The following CNTN6 variants were observed in gnomAD, a reference collection of about 807,000 sequenced individuals.
CNTN6 encodes the protein contactin 6.
Under a neutral mutation model 122.8 loss-of-function variants are expected in CNTN6, and 137 were observed. The observed-to-expected ratio is 1.12, with a 90% CI of 0.97 to 1.29. CNTN6 has a LOEUF of 1.29. CNTN6 is among the 50% of genes most tolerant of loss of function. The pLI is 0.00. For missense variants in CNTN6, 1,634 were observed against 1,223.4 expected (o/e 1.34, Z -5.01); for synonymous variants, 570 against 426.0 (o/e 1.34, Z -4.16).
In CNTN6 at chr3:1,276,910, G is replaced by A. The variant is rs561935657; in HGVS notation, c.359-1503G>A. On this transcript the variant is annotated intron_variant, in intron 4 of 22. Transcript: ENST00000446702. Reference sequence around the variant, plus strand: ...GTGAATGGTGGCTCTTTTGCATTCAGCAAGTGGCTTTCAAGACCTCCCATA... The same window carrying A: ...GTGAATGGTGGCTCTTTTGCATTCAACAAGTGGCTTTCAAGACCTCCCATA... 2.0e-5 allele frequency among the ~76,000 whole-genome samples: 3 copies of A among 152,270 alleles called. No individual in the cohort carries two copies. In the South Asian group the frequency reaches 6.2e-4, roughly 32 times the overall value.
Position 1,385,797 on chromosome 3 carries a change from C to T in CNTN6, c.2704C>T (p.Pro902Ser), listed in dbSNP as rs140337334. ...AGTCAATGTTACCACCAAAAAGTCT[C>T]GTAAGTATGCATACACTCCAGGAAA... ...PPVNVTTKKS[P>S]PSQPPANIAW... Residue 902 changes from proline to serine, a missense_variant and splice_region_variant, in exon 20 of 23, where the codon CCT (proline) becomes TCT (serine). By Grantham distance (74) the Pro-to-Ser change is moderately conservative. Transcript: ENST00000446702. 485 of 1,607,534 alleles carry T rather than the reference C, an allele frequency of 3.0e-4. No homozygotes were observed. Among genetic ancestry groups the T allele is most frequent in the Non-Finnish European group, 3.7e-4 (439 of 1,177,326 alleles).
At chr3:1,124,711 A>G (rs1320110578) in intron 1 of CNTN6, among the ~76,000 whole-genome samples, 1 of 151,828 alleles carries the variant, frequency 6.6e-6, no homozygotes, top group Non-Finnish European at 1.5e-5. Context: ...GAGAAAGAAC[A>G]TCCCTTCCGC....
chr3:1,154,422 C>A (rs2092914726), intron 2 of CNTN6, among the ~76,000 whole-genome samples: 1 of 145,304 alleles, frequency 6.9e-6, no homozygotes, highest in Non-Finnish European at 1.5e-5. Context: ...TGGAAGGATT[C>A]ATAATATTTT....
chr3:1,279,251 C>T lies in CNTN6; in HGVS notation c.454+743C>T, dbSNP rs569488764. On this transcript the variant is annotated intron_variant, in intron 5 of 22. Coordinates refer to ENST00000446702, the MANE Select transcript of CNTN6 (RefSeq NM_001289080.2). ...TCCAAACTACTTACTGATTCTCATC[C>T]TCTTGGGAATGGATTTTCTCAAATT... is the stretch of plus-strand genomic sequence containing the variant. Among the ~76,000 whole-genome samples the T allele has an allele frequency of 1.3e-5, 2 of 152,164 alleles. 1 individual carries two copies. The highest frequency in any genetic ancestry group is 4.2e-4 in the South Asian group (2 of 4,810).
chr3:1,197,509 A>T (rs2093794692), intron 2 of CNTN6, among the ~76,000 whole-genome samples: 2 of 152,208 alleles, frequency 1.3e-5, no homozygotes, highest in Non-Finnish European at 2.9e-5. Context: ...CATTTAGTGA[A>T]ACCTAAGGAG....
chr3:1,336,334 A>G (rs1268920550), intron 11 of CNTN6, among the ~76,000 whole-genome samples: 1 of 151,988 alleles, frequency 6.6e-6, no homozygotes, highest in Non-Finnish European at 1.5e-5. Context: ...TATATTTCTG[A>G]GGATCACAAT....
intron 22 of CNTN6, 64 bp downstream of exon 22, chr3:1,402,550 C>T (rs1695859487): frequency 5.1e-6 from 7 of 1,370,694 alleles, no homozygotes; most frequent in Middle Eastern, 1.9e-4. Context: ...TGAAATTCAG[C>T]TCCATGAAAC....
intron 8 of CNTN6, among the ~76,000 whole-genome samples, chr3:1,325,162 T>C (rs3821429): frequency 0.23 from 34,161 of 151,760 alleles, 4,490 homozygotes; most frequent in East Asian, 0.52. Flanking sequence ...CAGTTTCTTG[T>C]TGTCTCACTA....
intron 4 of CNTN6, among the ~76,000 whole-genome samples, chr3:1,247,468 C>T (rs997975791): frequency 2.0e-5 from 3 of 151,164 alleles, no homozygotes; most frequent in African/African-American, 7.3e-5. Flanking sequence ...AAAAAAGAGG[C>T]TTGAATTGTA....
At chr3:1,236,890 C>G (rs984479165) in intron 4 of CNTN6, among the ~76,000 whole-genome samples, 10 of 152,048 alleles carry the variant, frequency 6.6e-5, no homozygotes, top group Admixed American at 1.3e-4. Context: ...ACCATCCTGG[C>G]TAACATGGTG....
chr3:1,227,869 G>T lies in CNTN6; in HGVS notation c.234G>T (p.Arg78Ser), dbSNP rs772878872. 5.0e-6 allele frequency: 8 copies of T among 1,613,932 alleles called. No individual in the cohort carries two copies. Among genetic ancestry groups the T allele is most frequent in the Non-Finnish European group, 6.8e-6 (8 of 1,179,974 alleles). The change falls in exon 4 of 23, where the codon AGG becomes AGT. Residue 78 changes from arginine to serine, a missense_variant. By Grantham distance (110) the Arg-to-Ser change is moderately radical (BLOSUM62 -1). Transcript: ENST00000446702. ...DIDFTMSYHY[R>S]LDGGSLAINS... ...ATTTTACTATGAGTTATCACTACAG[G>T]TTGGATGGAGGCAGTCTTGCAATCA...
At chr3:1,269,110 A>T (rs561813392) in intron 4 of CNTN6, among the ~76,000 whole-genome samples, 1 of 151,854 alleles carries the variant, frequency 6.6e-6, no homozygotes, top group East Asian at 2.0e-4. Context: ...CATCTTCTAC[A>T]CACTTTAATT....
intron 11 of CNTN6, among the ~76,000 whole-genome samples, chr3:1,350,166 G>A (rs889577414): frequency 1.3e-5 from 2 of 151,748 alleles, no homozygotes; most frequent in African/African-American, 4.8e-5. Context: ...AATTGTACAT[G>A]CTAGTCACTG....
At chr3:1,347,876 T>C (rs1021591065) in intron 11 of CNTN6, among the ~76,000 whole-genome samples, 7 of 151,830 alleles carry the variant, frequency 4.6e-5, no homozygotes, top group Admixed American at 6.6e-5. Context: ...CTGAGGACAG[T>C]TTTGCTGGCA....
chr3:1,227,071 A>T (rs950065802), intron 3 of CNTN6, among the ~76,000 whole-genome samples: 2 of 152,172 alleles, frequency 1.3e-5, no homozygotes, highest in Non-Finnish European at 2.9e-5. Context: ...AAAAATGACC[A>T]AATAAAATTT....
Position 1,246,642 on chromosome 3 carries a change from C to G in CNTN6, c.358+18649C>G, listed in dbSNP as rs561999253. 1.5e-4 allele frequency among the ~76,000 whole-genome samples: 23 copies of G among 152,202 alleles called. 1 individual carries two copies. In the East Asian group the frequency reaches 3.1e-3, roughly 20 times the overall value. On this transcript the variant is annotated intron_variant, in intron 4 of 22. Transcript: ENST00000446702. The stretch of plus-strand genomic sequence containing the variant: ...TATAGTGATTTTATTAATTTGTACT[C>G]TTTCCAGTAATGTTTTTTTCTATAT...
intron 8 of CNTN6, among the ~76,000 whole-genome samples, chr3:1,323,951 C>T (rs1409644765): frequency 7.2e-6 from 1 of 139,742 alleles, no homozygotes; most frequent in Non-Finnish European, 1.5e-5. Context: ...TATCTGAAAC[C>T]TTTGTAAGTT....
intron 1 of CNTN6, among the ~76,000 whole-genome samples, chr3:1,136,811 A>G (rs1424856646): frequency 1.3e-5 from 2 of 152,162 alleles, no homozygotes; most frequent in East Asian, 1.9e-4. Context: ...TGGTCAAATG[A>G]GGGATTTTTC....
At chr3:1,177,443 A>G (rs1397878562) in intron 2 of CNTN6, among the ~76,000 whole-genome samples, 2 of 152,202 alleles carry the variant, frequency 1.3e-5, no homozygotes, top group Admixed American at 6.5e-5. Flanking sequence ...TAAGAAATTT[A>G]AATTGTATTT....
Sources: allele counts gnomAD v4.1 joint callset (sites outside exome capture counted in the v4.1 genomes callset), GRCh38; gene constraint gnomAD v4.1.1; transcripts MANE v1.5; gene names NCBI Gene and HGNC (gene_info 2026-07-23, HGNC 2026-07-21).